The following NYAP2 variants were observed in gnomAD, a reference collection of about 807,000 sequenced individuals.
The protein encoded by NYAP2 is neuronal tyrosine-phosphorylated phosphoinositide-3-kinase adapter 2.
NYAP2 carries 23 observed loss-of-function variants against 50.4 expected under a neutral mutation model. The observed-to-expected ratio is 0.46, with a 90% CI of 0.33 to 0.65. NYAP2 has a LOEUF of 0.65. Ranked by LOEUF, NYAP2 falls within the 30% of genes least tolerant of loss-of-function variation. NYAP2 has a pLI of 0.02. For missense variants in NYAP2, 885 were observed against 861.0 expected, an observed-to-expected ratio of 1.03 and a Z score of -0.35; for synonymous variants, 394 against 365.2, an observed-to-expected ratio of 1.08 and a Z score of -0.90.
the NYAP2 span, among the ~76,000 whole-genome samples, chr2:225,669,673 A>G: frequency 6.6e-6 from 1 of 152,170 alleles, no homozygotes; most frequent in African/African-American, 2.4e-5. Context: ...GGGAACTGCT[A>G]AAGTGAATAA....
chr2:225,671,118 C>T, the NYAP2 span, among the ~76,000 whole-genome samples: 1 of 152,054 alleles, frequency 6.6e-6, no homozygotes, highest in South Asian at 2.1e-4. Flanking sequence ...AAGTTTGCCA[C>T]ATCAATTTAA....
chr2:225,518,438 A>G (rs1690973905), intron 4 of NYAP2, among the ~76,000 whole-genome samples: 1 of 147,998 alleles, frequency 6.8e-6, no homozygotes, highest in African/African-American at 2.5e-5. Flanking sequence ...CATCATGGTA[A>G]CTATACTTAA....
chr2:225,698,209 A>C, the NYAP2 span: 1 of 151,952 alleles, frequency 6.6e-6, no homozygotes, highest in African/African-American at 2.4e-5. Flanking sequence ...ATTTTAGAAG[A>C]GATATAGAAA....
rs182739190 is a variant in NYAP2 at position 225,488,799 on chromosome 2, T to C, written c.222-24572T>C. Among the ~76,000 whole-genome samples, 11 of 152,362 alleles carry C rather than the reference T, an allele frequency of 7.2e-5. No homozygotes were observed. The East Asian group carries it at 2.1e-3, about 29-fold the overall frequency. ...AGAGACACTCTTTTGGGACAGACTT[T>C]AGACAGTTTTCATAGTCTACAGAAC... On this transcript the variant is annotated intron_variant, in intron 3 of 6. Coordinates refer to ENST00000636099, the Ensembl canonical transcript of NYAP2.
chr2:225,538,791 TTTCTTTC>T (rs1691400156), intron 4 of NYAP2, among the ~76,000 whole-genome samples: 4 of 42,928 alleles, frequency 9.3e-5, no homozygotes, highest in Non-Finnish European at 1.4e-4. Context: ...TCTTTCTTTC[TTTCTTTC>T]TTTCTTTCTT....
chr2:225,490,824 G>A (rs1449978771), intron 3 of NYAP2, among the ~76,000 whole-genome samples: 2 of 152,168 alleles, frequency 1.3e-5, no homozygotes, highest in South Asian at 2.1e-4. Flanking sequence ...ATTAGTTTCC[G>A]TGACCTGAAT....
intron 4 of NYAP2, among the ~76,000 whole-genome samples, chr2:225,553,255 A>C (rs1279942046): frequency 6.6e-6 from 1 of 152,262 alleles, no homozygotes; most frequent in Admixed American, 6.5e-5. Flanking sequence ...AGTGAAAACA[A>C]GTAGTAAACC....
At chr2:225,615,811 G>A (rs1340550284) in intron 5 of NYAP2, among the ~76,000 whole-genome samples, 1 of 152,186 alleles carries the variant, frequency 6.6e-6, no homozygotes, top group Non-Finnish European at 1.5e-5. Flanking sequence ...CCTTCTCGTT[G>A]ACCTGCTATT....
chr2:225,638,156 TTGTGTGTGTGTG>T (rs146481098), intron 6 of NYAP2, among the ~76,000 whole-genome samples: 10 of 135,306 alleles, frequency 7.4e-5, no homozygotes, highest in East Asian at 2.2e-4. Context: ...ACTCGTGTGT[TTGTGTGTGTGTG>T]TGTGTGTGTG....
At chr2:225,516,259 C>T (rs1031108083) in intron 4 of NYAP2, among the ~76,000 whole-genome samples, 2 of 152,076 alleles carry the variant, frequency 1.3e-5, no homozygotes, top group Admixed American at 6.6e-5. Context: ...AGTGGGCTCC[C>T]AATGGCTACT....
Position 225,525,100 on chromosome 2 carries a change from G to A in NYAP2, c.523+11428G>A, listed in dbSNP as rs1195527184. 2.6e-5 allele frequency among the ~76,000 whole-genome samples: 4 copies of A among 152,152 alleles called. No homozygotes were observed. The East Asian group carries it at 5.8e-4, about 22-fold the overall frequency. On this transcript the variant is annotated intron_variant, in intron 4 of 6. Transcript: ENST00000636099. ...TTAAAAAATGGATGTTGGCAAAGAT[G>A]CAAAGAAAAGGGAACATTATACACT...
chr2:225,646,917 T>C (rs767583370), intron 6 of NYAP2, among the ~76,000 whole-genome samples: 13 of 152,146 alleles, frequency 8.5e-5, no homozygotes, highest in Non-Finnish European at 1.5e-5. Flanking sequence ...ATTTGGAGTT[T>C]GCTTGGATTT....
At chr2:225,657,102 C>CTTTTTTT (rs375126014), downstream of NYAP2, among the ~76,000 whole-genome samples, 5 of 101,068 alleles carry the variant, frequency 4.9e-5, no homozygotes, top group African/African-American at 8.8e-5. Context: ...AATCTAATTC[C>CTTTTTTT]TTTTTTTTTT....
At chr2:225,539,090 G>A (rs1025477836) in intron 4 of NYAP2, among the ~76,000 whole-genome samples, 3 of 152,018 alleles carry the variant, frequency 2.0e-5, no homozygotes, top group African/African-American at 7.3e-5. Context: ...GTGAGAACAT[G>A]TGGTGTTTAG....
chr2:225,669,816 G>A, the NYAP2 span, among the ~76,000 whole-genome samples: 4 of 152,110 alleles, frequency 2.6e-5, no homozygotes, highest in South Asian at 2.1e-4. Context: ...TTTTATTTCC[G>A]TTCTGTCCAG....
rs771055499 is a variant in NYAP2, at chr2:225,582,914, G to A, written c.1497G>A (p.Pro499=). Residue 499 remains proline, a synonymous_variant, in exon 5 of 7, where the codon CCG becomes CCA. Coordinates refer to ENST00000636099, the Ensembl canonical transcript of NYAP2. The surrounding 1 kb of genome is among the most constrained non-coding windows in gnomAD (Gnocchi z 7.0). Reference sequence around the variant, plus strand: ...CGGTGAACACCTACGGGGCAGCCCCGGGTGGCTCCCGGTCCCGGACACCCA... The same window carrying A: ...CGGTGAACACCTACGGGGCAGCCCCAGGTGGCTCCCGGTCCCGGACACCCA... 19 of 1,613,132 alleles carry A rather than the reference G, an allele frequency of 1.2e-5. No homozygotes were observed. Among genetic ancestry groups the A allele is most frequent in the Middle Eastern group, 1.6e-4 (1 of 6,062 alleles).
intron 5 of NYAP2, among the ~76,000 whole-genome samples, chr2:225,601,503 C>T (rs1692690344): frequency 6.6e-6 from 1 of 152,046 alleles, no homozygotes; most frequent in South Asian, 2.1e-4. Context: ...TTTTTATTCC[C>T]ACCAGCAATG....
At chr2:225,511,373 C>CACACACACACACAG (rs376750469) in intron 3 of NYAP2, among the ~76,000 whole-genome samples, 1 of 117,768 alleles carries the variant, frequency 8.5e-6, no homozygotes, top group African/African-American at 3.3e-5. Context: ...CACACACACA[C>CACACACACACACAG]AGAGAGAGAG....
At chr2:225,475,174 C>A (rs897041522) in intron 3 of NYAP2, among the ~76,000 whole-genome samples, 9 of 152,146 alleles carry the variant, frequency 5.9e-5, no homozygotes, top group African/African-American at 2.2e-4. Flanking sequence ...TTTACCATTT[C>A]CATTTTGGAA....
Sources: gnomAD v4.1 joint callset for allele counts (sites outside exome capture counted in the v4.1 genomes callset) on GRCh38, gnomAD v4.1.1 for gene constraint, Gnocchi (gnomAD v3.1) non-coding constraint, MANE v1.5 for transcripts, NCBI Gene and HGNC (gene_info 2026-07-23, HGNC 2026-07-21) for gene names.